SLC2A13: variants seen among roughly 807,000 people sequenced by gnomAD.
SLC2A13 encodes the protein solute carrier family 2 member 13.
Under a neutral mutation model 64.4 loss-of-function variants are expected in SLC2A13, and 32 were observed. The ratio of observed to expected loss-of-function variants is 0.50; its 90% CI spans 0.37 to 0.67. The LOEUF (loss-of-function observed/expected upper bound fraction) is 0.67, where lower values mean the gene tolerates loss of function less well. SLC2A13 is among the 30% of genes least tolerant of loss of function. The pLI, the probability that SLC2A13 is intolerant of heterozygous loss-of-function variation, is 0.00. For missense variants in SLC2A13, 743 were observed against 829.2 expected, an observed-to-expected ratio of 0.90 and a Z score of 1.28; for synonymous variants, 338 against 327.1, an observed-to-expected ratio of 1.03 and a Z score of -0.36.
intron 4 of SLC2A13, among the ~76,000 whole-genome samples, chr12:39,927,990 A>G (rs1431252100): frequency 2.0e-5 from 3 of 152,212 alleles, no homozygotes; most frequent in Non-Finnish European, 4.4e-5. Context: ...CTATATAACT[A>G]TAAGCTTGGT....
intron 6 of SLC2A13, among the ~76,000 whole-genome samples, chr12:39,853,322 T>C (rs1337522189): frequency 6.6e-6 from 1 of 152,180 alleles, no homozygotes; most frequent in East Asian, 1.9e-4. Flanking sequence ...TAAGTGCTGT[T>C]TGGCAATACT....
intron 1 of SLC2A13, among the ~76,000 whole-genome samples, chr12:40,093,952 T>C (rs534218618): frequency 6.6e-6 from 1 of 152,090 alleles, no homozygotes; most frequent in South Asian, 2.1e-4. Context: ...CTCTCATGTG[T>C]ATAAAAAGAA....
chr12:39,903,143 T>C (rs1406011694), intron 4 of SLC2A13, among the ~76,000 whole-genome samples: 1 of 152,186 alleles, frequency 6.6e-6, no homozygotes, highest in African/African-American at 2.4e-5. Flanking sequence ...ATTGGTCTGA[T>C]AGGCATAGGC....
intron 7 of SLC2A13, among the ~76,000 whole-genome samples, chr12:39,765,516 A>G (rs1255027399): frequency 3.3e-5 from 5 of 151,936 alleles, no homozygotes; most frequent in African/African-American, 1.2e-4. Flanking sequence ...CAGACTCAAA[A>G]ACATTCCTAT....
chr12:39,896,309 CATATATGT>C (rs1944864665), intron 4 of SLC2A13, among the ~76,000 whole-genome samples: 1 of 83,902 alleles, frequency 1.2e-5, no homozygotes, highest in South Asian at 4.0e-4. Context: ...TATATGTATA[CATATATGT>C]ATGTATATGT....
At chr12:39,901,672 C>T (rs1945117327) in intron 4 of SLC2A13, among the ~76,000 whole-genome samples, 1 of 128,756 alleles carries the variant, frequency 7.8e-6, no homozygotes, top group Admixed American at 8.3e-5. Flanking sequence ...GAATGGCAAT[C>T]ATTAAAAAGT....
chr12:40,047,090 C>A (rs1269216958), intron 2 of SLC2A13, among the ~76,000 whole-genome samples: 1 of 151,892 alleles, frequency 6.6e-6, no homozygotes, highest in Non-Finnish European at 1.5e-5. Flanking sequence ...TCAGTAGAGA[C>A]AGGGTTTCAC....
At chr12:39,960,761 T>TTTTTTTC (rs1340717165) in intron 3 of SLC2A13, among the ~76,000 whole-genome samples, 3 of 149,974 alleles carry the variant, frequency 2.0e-5, no homozygotes, top group Non-Finnish European at 3.0e-5. Context: ...TTTTTTTTTT[T>TTTTTTTC]TTTCAAGACA....
chr12:40,082,445 C>T lies in SLC2A13; in HGVS notation c.556+22808G>A, dbSNP rs2624248. Among the ~76,000 whole-genome samples, 210 of 152,296 alleles carry T rather than the reference C, an allele frequency of 1.4e-3. 1 individual carries two copies. Among genetic ancestry groups the T allele is most frequent in the African/African-American group, 4.8e-3 (200 of 41,560 alleles). On this transcript the variant is annotated intron_variant, in intron 1 of 9. Transcript: ENST00000280871. ...GAAGCTCTCTGTGAGGATGGATATT[C>T]TAACAAAAGAGCTATGGCAGTAGCT...
intron 2 of SLC2A13, among the ~76,000 whole-genome samples, chr12:40,044,114 C>G (rs1303176107): frequency 1.3e-5 from 2 of 151,986 alleles, no homozygotes; most frequent in Non-Finnish European, 2.9e-5. Flanking sequence ...AATAGATAAA[C>G]AAAATGTGGT....
intron 3 of SLC2A13, among the ~76,000 whole-genome samples, chr12:39,955,550 A>G (rs1188013921): frequency 6.6e-6 from 1 of 152,188 alleles, no homozygotes; most frequent in Non-Finnish European, 1.5e-5. Flanking sequence ...GATAAGCTTC[A>G]TGCCAAGCTA....
At chr12:39,975,747 A>G (rs1946746445) in intron 3 of SLC2A13, among the ~76,000 whole-genome samples, 1 of 152,246 alleles carries the variant, frequency 6.6e-6, no homozygotes, top group African/African-American at 2.4e-5. Flanking sequence ...AAACAGATGT[A>G]GCTCTTTAAA....
chr12:40,007,505 T>A (rs1416625821), intron 3 of SLC2A13, among the ~76,000 whole-genome samples: 1 of 151,722 alleles, frequency 6.6e-6, no homozygotes, highest in Non-Finnish European at 1.5e-5. Context: ...AACTTTTTTT[T>A]AAAAAAAGGT....
intron 4 of SLC2A13, among the ~76,000 whole-genome samples, chr12:39,920,913 C>T (rs1480800599): frequency 6.6e-6 from 1 of 152,064 alleles, no homozygotes; most frequent in Non-Finnish European, 1.5e-5. Flanking sequence ...CATTCCTGCC[C>T]TCATTAGACA....
chr12:40,064,199 C>T (rs1429599911), intron 1 of SLC2A13, among the ~76,000 whole-genome samples: 9 of 152,030 alleles, frequency 5.9e-5, no homozygotes, highest in Non-Finnish European at 1.3e-4. Flanking sequence ...GAGCTATAAT[C>T]GCTCCACTGT....
At chr12:39,932,208 AT>A (rs35845678) in intron 4 of SLC2A13, among the ~76,000 whole-genome samples, 1 of 150,844 alleles carries the variant, frequency 6.6e-6, no homozygotes, top group Non-Finnish European at 1.5e-5. Context: ...GAAAATGGAT[AT>A]TTTTTTCCAG....
intron 3 of SLC2A13, among the ~76,000 whole-genome samples, chr12:40,008,590 G>A (rs1487424650): frequency 6.7e-6 from 1 of 149,750 alleles, no homozygotes; most frequent in African/African-American, 2.5e-5. Context: ...CAGCCTGGGC[G>A]ACAGAGCGAG....
intron 7 of SLC2A13, among the ~76,000 whole-genome samples, chr12:39,767,450 G>A (rs1396671192): frequency 6.6e-6 from 1 of 151,940 alleles, no homozygotes; most frequent in Non-Finnish European, 1.5e-5. Context: ...AAGGGCTCTA[G>A]GATTTTTGGA....
At chr12:40,036,348 T>C (rs1366306597) in intron 2 of SLC2A13, among the ~76,000 whole-genome samples, 1 of 152,172 alleles carries the variant, frequency 6.6e-6, no homozygotes, top group Admixed American at 6.5e-5. Flanking sequence ...TACAAGAAAA[T>C]GCAGAGATCC....
Sources: gnomAD v4.1 joint callset for allele counts (sites outside exome capture counted in the v4.1 genomes callset) on GRCh38, gnomAD v4.1.1 for gene constraint, MANE v1.5 for transcripts, NCBI Gene and HGNC (gene_info 2026-07-23, HGNC 2026-07-21) for gene names.